The following DNAH3 variants were observed in gnomAD, a reference collection of about 807,000 sequenced individuals.
DNAH3 encodes the protein axonemal beta dynein heavy chain 3.
In DNAH3, 332 loss-of-function variants were observed where a neutral mutation model predicts 432.5. The ratio of observed to expected loss-of-function variants is 0.77; its 90% CI spans 0.70 to 0.84. DNAH3 has a LOEUF of 0.84. DNAH3 is among the 40% of genes least tolerant of loss of function. The pLI, the probability that DNAH3 is intolerant of heterozygous loss-of-function variation, is 0.00. For synonymous variants in DNAH3, 1,956 were observed against 1,900.2 expected, an observed-to-expected ratio of 1.03 and a Z score of -0.76; for missense variants, 4,861 against 5,114.0, an observed-to-expected ratio of 0.95 and a Z score of 1.51.
At chr16:20,987,032 G>A (rs1305028950) in intron 47 of DNAH3, among the ~76,000 whole-genome samples, 4 of 152,062 alleles carry the variant, frequency 2.6e-5, no homozygotes, top group African/African-American at 9.7e-5. Context: ...TGCATTTTAA[G>A]TTCATAATAA....
intron 50 of DNAH3, among the ~76,000 whole-genome samples, chr16:20,975,798 G>A (rs1310378231): frequency 6.6e-6 from 1 of 152,204 alleles, no homozygotes; most frequent in Non-Finnish European, 1.5e-5. Flanking sequence ...AGGCTGGAGT[G>A]CAGTGGCATG....
intron 52 of DNAH3, 85 bp from the exon 53 acceptor site, chr16:20,965,510 A>G (rs1258204782): frequency 6.5e-6 from 8 of 1,223,928 alleles, no homozygotes; most frequent in Non-Finnish European, 8.8e-6. Flanking sequence ...CTGGTATTTG[A>G]GAAAAAACAA....
At chr16:21,080,917 T>C (rs2091161837) in intron 20 of DNAH3, among the ~76,000 whole-genome samples, 1 of 152,050 alleles carries the variant, frequency 6.6e-6, no homozygotes, top group Non-Finnish European at 1.5e-5. Flanking sequence ...GACTTCTTTT[T>C]TTTTCTTTTT....
At chr16:21,037,874 C>T (rs141984585) in exon 34 of DNAH3, 10 of 1,614,140 alleles carry the variant, frequency 6.2e-6, no homozygotes, top group South Asian at 5.5e-5. Flanking sequence ...AGGTTTCCTG[C>T]GGCAGTAAGC....
rs868517764 is a variant in DNAH3 at position 21,145,318 on chromosome 16, C to T, written c.311G>A (p.Arg104His). Reference sequence around the variant, plus strand: ...GTTGGCGATGGAATCACTGGGTCCACGGTGGTGATGCTGTTCTTTGAAGGG... The same window carrying T: ...GTTGGCGATGGAATCACTGGGTCCATGGTGGTGATGCTGTTCTTTGAAGGG... Residue 104 changes from arginine to histidine, a missense_variant, in exon 3 of 62, where the codon CGT becomes CAT. Coordinates refer to ENST00000261383, the Ensembl canonical transcript of DNAH3. 1.4e-5 allele frequency: 23 copies of T among 1,613,998 alleles called. No homozygotes were observed. Among genetic ancestry groups the T allele is most frequent in the African/African-American group, 4.0e-5 (3 of 74,902 alleles).
At chr16:20,973,419 A>G (rs567784054) in intron 51 of DNAH3, among the ~76,000 whole-genome samples, 1 of 151,908 alleles carries the variant, frequency 6.6e-6, no homozygotes, top group African/African-American at 2.4e-5. Flanking sequence ...CACCCAGCTA[A>G]TTTTTGTATT....
chr16:20,974,985 GTTTTT>G (rs35783206), intron 51 of DNAH3, among the ~76,000 whole-genome samples: 56 of 120,784 alleles, frequency 4.6e-4, no homozygotes, highest in Middle Eastern at 4.3e-3. Flanking sequence ...CACCTGGCTA[GTTTTT>G]TTTTTTTTTT....
At chr16:21,137,300 T>C (rs894474514) in intron 5 of DNAH3, among the ~76,000 whole-genome samples, 1 of 149,342 alleles carries the variant, frequency 6.7e-6, no homozygotes, top group Non-Finnish European at 1.5e-5. Flanking sequence ...GACAAGCTCC[T>C]AAAATGGCCT....
At chr16:20,951,374 C>G (rs915787662) in intron 56 of DNAH3, among the ~76,000 whole-genome samples, 12 of 151,892 alleles carry the variant, frequency 7.9e-5, no homozygotes, top group African/African-American at 2.9e-4. Flanking sequence ...TCCTCCTACC[C>G]CAAGATTTAA....
chr16:21,050,782 C>G (rs1025015585), intron 29 of DNAH3, among the ~76,000 whole-genome samples: 1 of 152,156 alleles, frequency 6.6e-6, no homozygotes. Context: ...ATATTTGATT[C>G]CATTTCATAA....
intron 29 of DNAH3, among the ~76,000 whole-genome samples, chr16:21,050,490 G>C (rs1443522873): frequency 6.6e-6 from 1 of 152,136 alleles, no homozygotes; most frequent in Non-Finnish European, 1.5e-5. Context: ...CCAGGCTGGA[G>C]TGCAGAGGCA....
At chr16:21,104,735 T>C in intron 15 of DNAH3, 141 bp from the exon 16 acceptor site, 1 of 587,462 alleles carries the variant, frequency 1.7e-6, no homozygotes, top group Non-Finnish European at 3.1e-6. Flanking sequence ...GACAGTGACA[T>C]TTGTTGAGCA....
At chr16:21,103,154 G>A (rs186976142) in intron 16 of DNAH3, among the ~76,000 whole-genome samples, 1 of 152,184 alleles carries the variant, frequency 6.6e-6, no homozygotes, top group East Asian at 1.9e-4. Flanking sequence ...ATGGACTTTG[G>A]GGACTCCAGG....
At chr16:20,936,214 G>C (rs377584587) in intron 60 of DNAH3, among the ~76,000 whole-genome samples, 1 of 151,646 alleles carries the variant, frequency 6.6e-6, no homozygotes, top group African/African-American at 2.4e-5. Flanking sequence ...GTGAAATGGC[G>C]TGATCTCGGC....
intron 44 of DNAH3, among the ~76,000 whole-genome samples, chr16:20,989,760 C>T (rs2086448128): frequency 6.6e-6 from 1 of 152,226 alleles, no homozygotes; most frequent in South Asian, 2.1e-4. Context: ...TCAGGCATGG[C>T]GGGCTGCAGG....
chr16:20,987,522 G>A, intron 46 of DNAH3, 74 bp from the exon 47 acceptor site: 1 of 1,583,050 alleles, frequency 6.3e-7, no homozygotes, highest in South Asian at 1.1e-5. Context: ...TAGTAGGTAA[G>A]TCCTGGGGTT....
exon 53 of DNAH3, chr16:20,963,761 G>C: frequency 6.2e-7 from 1 of 1,614,112 alleles, no homozygotes; most frequent in Non-Finnish European, 8.5e-7. Context: ...GTCAGGAGGA[G>C]AGAGAAGAGT....
At chr16:21,106,737 A>C in intron 14 of DNAH3, 63 bp from the exon 15 acceptor site, 1 of 1,312,874 alleles carries the variant, frequency 7.6e-7, no homozygotes, top group Non-Finnish European at 1.0e-6. Flanking sequence ...ATCTAAAATG[A>C]CTTTCTTGTA....
At chr16:21,018,344 A>T (rs1257450316) in intron 41 of DNAH3, among the ~76,000 whole-genome samples, 2 of 152,234 alleles carry the variant, frequency 1.3e-5, no homozygotes. Context: ...AAAAACTGAA[A>T]GAAAACATAA....
Sources: gnomAD v4.1 joint callset for allele counts (sites outside exome capture counted in the v4.1 genomes callset) on GRCh38, gnomAD v4.1.1 for gene constraint, MANE v1.5 for transcripts, NCBI Gene and HGNC (gene_info 2026-07-23, HGNC 2026-07-21) for gene names.